CSNK2B: variants seen among roughly 807,000 people sequenced by gnomAD.
CSNK2B encodes casein kinase II subunit beta.
Under a neutral mutation model 28.8 loss-of-function variants are expected in CSNK2B, and 2 were observed. The ratio of observed to expected loss-of-function variants is 0.07; its 90% CI spans 0.03 to 0.22. The LOEUF (loss-of-function observed/expected upper bound fraction) is 0.22, where lower values mean the gene tolerates loss of function less well. CSNK2B is among the 10% of genes least tolerant of loss of function. CSNK2B has a pLI of 1.00. For missense variants in CSNK2B, 107 were observed against 277.9 expected (o/e 0.39, Z 4.37); for synonymous variants, 89 against 96.1 (o/e 0.93, Z 0.43).
In CSNK2B at chr6:31,667,945, A is replaced by T. The variant is rs905931302; in HGVS notation, c.150A>T (p.Leu50=). The T allele has an allele frequency of 1.2e-6, 2 of 1,603,526 alleles. No homozygotes were observed. The highest frequency in any genetic ancestry group is 2.7e-5 in the African/African-American group (2 of 74,160). The change falls in exon 3 of 7, where the codon CTA becomes CTT. Residue 50 remains leucine (L), a synonymous_variant. Transcript: ENST00000375882. ...NEQVPHYRQA[L]DMILDLEPDE... is the part of the protein sequence containing the mutation. ...AGGTCCCTCACTATCGACAAGCTCT[A>T]GACATGATCTTGGACCTGGAGCCTG...
Position 31,669,719 on chromosome 6 carries a change from G to T in CSNK2B, c.558-117G>T. The T allele has an allele frequency of 1.9e-6, 2 of 1,063,814 alleles. No homozygotes were observed. The highest frequency in any genetic ancestry group is 3.1e-5 in the South Asian group (2 of 64,586). 65.9% of individuals were successfully genotyped at this position (1,063,814 alleles called of 1,614,324 possible). Reference sequence around the variant, plus strand: ...GAGCTGAGAAGTTGGGAACCACGAGGCTTTAGCTCTGAGCAGGTCCATAGA... The same window carrying T: ...GAGCTGAGAAGTTGGGAACCACGAGTCTTTAGCTCTGAGCAGGTCCATAGA... On this transcript the variant is annotated intron_variant, in intron 6 of 6. Transcript: ENST00000375882. The surrounding 1 kb of genome is among the most constrained non-coding windows in gnomAD (Gnocchi z 4.8).
At chr6:31,667,729 ACTT>A (rs1475294071) in intron 2 of CSNK2B, 136 bp from the exon 3 acceptor site, 1 of 491,748 alleles carries the variant, frequency 2.0e-6, no homozygotes, top group Non-Finnish European at 3.6e-6. Flanking sequence ...AGACACAAGT[ACTT>A]CTGCTGAGTT....
Position 31,669,422 on chromosome 6 carries a change from C to T in CSNK2B, c.471C>T (p.Ala157=). The T allele has an allele frequency of 6.2e-7, 1 of 1,614,152 alleles. No individual in the cohort carries two copies. Among genetic ancestry groups the T allele is most frequent in the South Asian group, 1.1e-5 (1 of 91,088 alleles). Residue 157 remains alanine, a synonymous_variant, in exon 6 of 7, where the codon GCC becomes GCT. Transcript: ENST00000375882. The surrounding 1 kb of genome is among the most constrained non-coding windows in gnomAD (Gnocchi z 4.8). ...KSSRHHHTDG[A]YFGTGFPHML... ...CAAGACACCATCACACGGATGGCGCCTACTTCGGCACTGGTTTCCCTCACA... is the reference window on the plus strand; with the variant it reads ...CAAGACACCATCACACGGATGGCGCTTACTTCGGCACTGGTTTCCCTCACA...
chr6:31,668,212 G>T lies in CSNK2B; in HGVS notation c.175+242G>T, dbSNP rs532754263. 24 of 610,856 alleles carry T rather than the reference G, an allele frequency of 3.9e-5. No homozygotes were observed. In the African/African-American group the frequency reaches 4.1e-4, roughly 10 times the overall value. 37.8% of individuals were successfully genotyped at this position (610,856 alleles called of 1,614,324 possible). A position where few individuals can be genotyped will look rare whatever the true frequency, so the allele number is the denominator to read the frequency against. On this transcript the variant is annotated intron_variant, in intron 3 of 6. Coordinates refer to ENST00000375882, the MANE Select transcript of CSNK2B (RefSeq NM_001320.7). ...CAAAATGCGTTTCCTCATGGGTCTG[G>T]TTTGTTGTCTGTTTCTCCTGCTTTG...
chr6:31,668,182 T>TC, intron 3 of CSNK2B: 1 of 369,982 alleles, frequency 2.7e-6, no homozygotes, highest in Admixed American at 6.1e-5. Context: ...AATTCAGACC[T>TC]ATTCCAAAAT....
intron 1 of CSNK2B, 106 bp from the exon 2 acceptor site, chr6:31,666,715 G>A: frequency 1.2e-6 from 1 of 800,762 alleles, no homozygotes; most frequent in South Asian, 1.7e-5. Flanking sequence ...TTAAGAAAGG[G>A]TGGTTCCGAA....
Position 31,669,065 on chromosome 6 carries a change from C to G in CSNK2B, c.292-32C>G. On this transcript the variant is annotated intron_variant, in intron 4 of 6. Transcript: ENST00000375882. The surrounding 1 kb of genome is among the most constrained non-coding windows in gnomAD (Gnocchi z 4.8). Reference sequence around the variant, plus strand: ...GGGAGTTGCCTCTTCTTTACATCTACCTGCCAACCCCTTCCATTGTATTCA... The same window carrying G: ...GGGAGTTGCCTCTTCTTTACATCTAGCTGCCAACCCCTTCCATTGTATTCA... 6.3e-7 allele frequency: 1 copy of G among 1,578,688 alleles called. No individual in the cohort carries two copies. The highest frequency in any genetic ancestry group is 8.7e-7 in the Non-Finnish European group (1 of 1,148,790).
Position 31,668,028 on chromosome 6 carries a change from C to G in CSNK2B, c.175+58C>G, listed in dbSNP as rs190566824. On this transcript the variant is annotated intron_variant, in intron 3 of 6. Coordinates refer to ENST00000375882, the MANE Select transcript of CSNK2B (RefSeq NM_001320.7). ...GCGTGCACTATTTTTCTCTTCAAAT[C>G]TCTATTCACTTGCCTGAATTTTGAA... 7 of 1,145,088 alleles carry G rather than the reference C, an allele frequency of 6.1e-6. No homozygotes were observed. In the East Asian group the frequency reaches 1.2e-4, roughly 19 times the overall value. 70.9% of individuals were successfully genotyped at this position (1,145,088 alleles called of 1,614,324 possible).
At position 31,669,766 on chromosome 6, in the gene CSNK2B, G is replaced by C; in HGVS notation, c.558-70G>C. On this transcript the variant is annotated intron_variant, in intron 6 of 6. Transcript: ENST00000375882. The surrounding 1 kb of genome is among the most constrained non-coding windows in gnomAD (Gnocchi z 4.8). The stretch of plus-strand genomic sequence containing the variant: ...TAGAGGAGCTCAGGTGGGGAGGTGG[G>C]AATGCAGGTGACTGGCAGGGCCTGG... The C allele has an allele frequency of 7.4e-7, 1 of 1,355,120 alleles. No individual in the cohort carries two copies. The highest frequency in any genetic ancestry group is 1.0e-6 in the Non-Finnish European group (1 of 974,634). The allele number at this position is 1,355,120 out of a possible 1,614,324, so 83.9% of individuals were successfully genotyped here. A position where few individuals can be genotyped will look rare whatever the true frequency, so the allele number is the denominator to read the frequency against.
intron 2 of CSNK2B, chr6:31,667,225 A>C: frequency 1.9e-6 from 1 of 515,122 alleles, no homozygotes; most frequent in Non-Finnish European, 3.7e-6. Context: ...TCTGCCTCCC[A>C]GGTTCAAGCG....
rs1562052801 is a variant in CSNK2B, at chr6:31,669,440, C to T, written c.489C>T (p.Phe163=). 3.1e-6 allele frequency: 5 copies of T among 1,613,842 alleles called. No individual in the cohort carries two copies. Among genetic ancestry groups the T allele is most frequent in the Admixed American group, 1.7e-5 (1 of 60,006 alleles). The change falls in exon 6 of 7, where the codon TTC becomes TTT. Residue 163 remains phenylalanine, a synonymous_variant. Transcript: ENST00000375882. This position sits in a 1 kb window ranked among gnomAD's most constrained non-coding sequence, Gnocchi z 4.8. Reference sequence around the variant, plus strand: ...ATGGCGCCTACTTCGGCACTGGTTTCCCTCACATGCTCTTCATGGTGCATC... The same window carrying T: ...ATGGCGCCTACTTCGGCACTGGTTTTCCTCACATGCTCTTCATGGTGCATC... ...HTDGAYFGTG[F]PHMLFMVHPE...
At position 31,666,178 on chromosome 6, in the gene CSNK2B, C is replaced by G; in HGVS notation, c.-42C>G. 2.0e-6 allele frequency: 2 copies of G among 993,250 alleles called. No homozygotes were observed. Among genetic ancestry groups the G allele is most frequent in the Non-Finnish European group, 2.4e-6 (2 of 833,554 alleles). 61.5% of individuals were successfully genotyped at this position (993,250 alleles called of 1,614,324 possible). On this transcript the variant is annotated 5_prime_UTR_variant, in exon 1 of 7. Coordinates refer to ENST00000375882, the MANE Select transcript of CSNK2B (RefSeq NM_001320.7). ...TTCCCTGGAAGTAGCAACTTCCCTA[C>G]CCCACCCCAGTCCTGGTCCCCGTCC... is the stretch of plus-strand genomic sequence containing the variant.
At chr6:31,666,702 G>A in intron 1 of CSNK2B, 119 bp from the exon 2 acceptor site, 1 of 695,594 alleles carries the variant, frequency 1.4e-6, no homozygotes, top group Non-Finnish European at 2.5e-6. Flanking sequence ...AGTTTGGGTT[G>A]CTTTAAGAAA....
At chr6:31,668,161 T>C in intron 3 of CSNK2B, 191 bp downstream of exon 3, 1 of 643,952 alleles carries the variant, frequency 1.6e-6, no homozygotes, top group South Asian at 1.8e-5. Flanking sequence ...TCTCATGTTT[T>C]CTAAATCCGC....
intron 4 of CSNK2B, 189 bp from the exon 5 acceptor site, chr6:31,668,908 C>G (rs1166616283): frequency 2.3e-5 from 14 of 615,106 alleles, no homozygotes. Context: ...ACAAATGGCT[C>G]TGATGGTTTG....
At position 31,669,586 on chromosome 6, in the gene CSNK2B, C is replaced by T; in HGVS notation, c.557+78C>T. 1 of 1,480,988 alleles carries T rather than the reference C, an allele frequency of 6.8e-7. No homozygotes were observed. Among genetic ancestry groups the T allele is most frequent in the South Asian group, 1.3e-5 (1 of 79,592 alleles). 91.7% of individuals were successfully genotyped at this position (1,480,988 alleles called of 1,614,324 possible). Reference sequence around the variant, plus strand: ...AGAGAGGGGAGGACAGGGCATGGCCCTTTCTTGAGGTCTGCTTCTCCCAGA... The same window carrying T: ...AGAGAGGGGAGGACAGGGCATGGCCTTTTCTTGAGGTCTGCTTCTCCCAGA... On this transcript the variant is annotated intron_variant, in intron 6 of 6. Transcript: ENST00000375882. The surrounding 1 kb of genome is among the most constrained non-coding windows in gnomAD (Gnocchi z 4.8).
At chr6:31,668,306 G>C in intron 3 of CSNK2B, 1 of 601,008 alleles carries the variant, frequency 1.7e-6, no homozygotes, top group Non-Finnish European at 3.0e-6. Context: ...GAGGGAGTTG[G>C]GAGGGAGAGC....
At chr6:31,667,087 G>A (rs973082901) in intron 2 of CSNK2B, 184 bp downstream of exon 2, 1 of 703,772 alleles carries the variant, frequency 1.4e-6, no homozygotes, top group African/African-American at 1.7e-5. Flanking sequence ...CCCAAGTCCT[G>A]AGTCTGCCAC....
rs778849848 is a variant in CSNK2B, at chr6:31,669,429, G to A, written c.478G>A (p.Gly160Ser). 6 of 1,614,022 alleles carry A rather than the reference G, an allele frequency of 3.7e-6. No individual in the cohort carries two copies. Among genetic ancestry groups the A allele is most frequent in the East Asian group, 2.2e-5 (1 of 44,884 alleles). The change falls in exon 6 of 7, where the codon GGC becomes AGC. Residue 160 changes from glycine to serine, a missense_variant. Coordinates refer to ENST00000375882, the MANE Select transcript of CSNK2B (RefSeq NM_001320.7). The surrounding 1 kb of genome is among the most constrained non-coding windows in gnomAD (Gnocchi z 4.8). ...RHHHTDGAYFGTGFPHMLFMV... is the reference protein window; with the variant it reads ...RHHHTDGAYFSTGFPHMLFMV... The stretch of plus-strand genomic sequence containing the variant: ...CCATCACACGGATGGCGCCTACTTC[G>A]GCACTGGTTTCCCTCACATGCTCTT...
Sources: gnomAD v4.1 joint callset for allele counts on GRCh38, gnomAD v4.1.1 for gene constraint, Gnocchi (gnomAD v3.1) non-coding constraint, MANE v1.5 for transcripts, NCBI Gene and HGNC (gene_info 2026-07-23, HGNC 2026-07-21) for gene names.